GRM4: variants seen among roughly 807,000 people sequenced by gnomAD.
GRM4 encodes the protein metabotropic glutamate receptor 4.
Under a neutral mutation model 81.7 loss-of-function variants are expected in GRM4, and 28 were observed. The observed-to-expected ratio is 0.34, with a 90% CI of 0.25 to 0.47. The LOEUF is 0.47. Ranked by LOEUF, GRM4 falls within the 20% of genes least tolerant of loss-of-function variation. The pLI, the probability that GRM4 is intolerant of heterozygous loss-of-function variation, is 1.00. For synonymous variants in GRM4, 488 were observed against 528.8 expected, an observed-to-expected ratio of 0.92 and a Z score of 1.06; for missense variants, 948 against 1,290.0, an observed-to-expected ratio of 0.73 and a Z score of 4.06.
intron 3 of GRM4, among the ~76,000 whole-genome samples, chr6:34,066,096 C>G (rs1458047399): frequency 1.3e-5 from 2 of 152,258 alleles, no homozygotes; most frequent in East Asian, 3.9e-4. Context: ...GACACCTGAT[C>G]AAGGCGTGTC....
chr6:34,073,418 C>CCACACACACA (rs540796389), intron 3 of GRM4, among the ~76,000 whole-genome samples: 1 of 146,394 alleles, frequency 6.8e-6, no homozygotes, highest in African/African-American at 2.5e-5. Flanking sequence ...CACATACACA[C>CCACACACACA]CACACACACA....
upstream of GRM4, among the ~76,000 whole-genome samples, chr6:34,148,195 G>A (rs1409429224): frequency 2.6e-5 from 4 of 152,054 alleles, no homozygotes; most frequent in South Asian, 2.1e-4. Flanking sequence ...TAGCTCTTCC[G>A]GGCAACATCC....
At chr6:34,122,742 G>A (rs1000340314) in intron 2 of GRM4, among the ~76,000 whole-genome samples, 25 of 152,016 alleles carry the variant, frequency 1.6e-4, no homozygotes, top group African/African-American at 5.6e-4. Context: ...CTGTCTGTCT[G>A]TCTGTCTGTC....
chr6:34,100,314 C>T (rs909707256), intron 2 of GRM4, among the ~76,000 whole-genome samples: 39 of 152,236 alleles, frequency 2.6e-4, no homozygotes, highest in African/African-American at 8.4e-4. Context: ...GTTTCTCTGG[C>T]CCTCCTCTGC....
chr6:34,115,479 A>C lies in GRM4; in HGVS notation c.519+17499T>G, dbSNP rs1188697921. ...CCCCCTGGGAAGCATAACCACCCCC[A>C]AGCCCAAATTGCTGCCCCTTCCCCT... On this transcript the variant is annotated intron_variant, in intron 2 of 10. Coordinates refer to ENST00000538487, the MANE Select transcript of GRM4 (RefSeq NM_000841.4). This position sits in a 1 kb window ranked among gnomAD's most constrained non-coding sequence, Gnocchi z 4.1. Among the ~76,000 whole-genome samples the C allele has an allele frequency of 1.3e-5, 2 of 152,078 alleles. No homozygotes were observed. Among genetic ancestry groups the C allele is most frequent in the Non-Finnish European group, 2.9e-5 (2 of 68,008 alleles).
chr6:34,089,625 G>C lies in GRM4; in HGVS notation c.736+2258C>G, dbSNP rs1004832526. Among the ~76,000 whole-genome samples the C allele has an allele frequency of 6.6e-6, 1 of 152,108 alleles. No homozygotes were observed. The highest frequency in any genetic ancestry group is 6.5e-5 in the Admixed American group (1 of 15,276). ...GTGAGGGGCGCCTCTGCCAGGACAGGAGTGCCCCGAGCTGGAGGCCCTTGC... is the reference window on the plus strand; with the variant it reads ...GTGAGGGGCGCCTCTGCCAGGACAGCAGTGCCCCGAGCTGGAGGCCCTTGC... On this transcript the variant is annotated intron_variant, in intron 3 of 10. Transcript: ENST00000538487. The surrounding 1 kb of genome is among the most constrained non-coding windows in gnomAD (Gnocchi z 4.3).
chr6:34,079,267 T>C (rs12529131), intron 3 of GRM4, among the ~76,000 whole-genome samples: 38,621 of 151,906 alleles, frequency 0.25, 7,910 homozygotes, highest in African/African-American at 0.56. Flanking sequence ...AAGGCAGGCA[T>C]GCAGCCAGGA....
chr6:34,141,360 G>C (rs1210062403), intron 1 of GRM4, among the ~76,000 whole-genome samples: 3 of 152,150 alleles, frequency 2.0e-5, no homozygotes, highest in Non-Finnish European at 4.4e-5. Context: ...AGCATGGCTC[G>C]GCCCCAAATG....
chr6:34,118,056 C>T (rs1188891594), intron 2 of GRM4, among the ~76,000 whole-genome samples: 1 of 152,214 alleles, frequency 6.6e-6, no homozygotes, highest in Non-Finnish European at 1.5e-5. Context: ...CATATAGATG[C>T]TGTGATCTCA....
chr6:34,035,522 A>G lies in GRM4; in HGVS notation c.2442+146T>C. The G allele has an allele frequency of 5.2e-6, 3 of 576,590 alleles. No homozygotes were observed. The highest frequency in any genetic ancestry group is 9.3e-6 in the Non-Finnish European group (3 of 321,236). 35.7% of individuals were successfully genotyped at this position (576,590 alleles called of 1,614,324 possible). On this transcript the variant is annotated intron_variant, in intron 9 of 10. Coordinates refer to ENST00000538487, the MANE Select transcript of GRM4 (RefSeq NM_000841.4). This position sits in a 1 kb window ranked among gnomAD's most constrained non-coding sequence, Gnocchi z 6.6. Reference sequence around the variant, plus strand: ...AGAAGGCAGAATGAGGCATGAAAGAAGGCAGAATGAGGCAAGAAAGAAGGC... The same window carrying G: ...AGAAGGCAGAATGAGGCATGAAAGAGGGCAGAATGAGGCAAGAAAGAAGGC...
chr6:34,091,770 G>A, intron 3 of GRM4, 113 bp downstream of exon 3: 1 of 760,688 alleles, frequency 1.3e-6, no homozygotes, highest in Non-Finnish European at 2.2e-6. Flanking sequence ...CCTGGCAACA[G>A]CCAGGCAGTC....
intron 2 of GRM4, among the ~76,000 whole-genome samples, chr6:34,097,003 G>A (rs374512598): frequency 2.8e-4 from 43 of 152,202 alleles, no homozygotes; most frequent in African/African-American, 9.6e-4. Flanking sequence ...TGGGTGCCCC[G>A]CACATTCATT....
At chr6:34,032,743 T>G (rs1457743363) in intron 9 of GRM4, among the ~76,000 whole-genome samples, 1 of 152,116 alleles carries the variant, frequency 6.6e-6, no homozygotes, top group Non-Finnish European at 1.5e-5. Context: ...GTAGGTCACC[T>G]GCAGAGATTG....
intron 2 of GRM4, among the ~76,000 whole-genome samples, chr6:34,113,156 CCTTT>C (rs1325688459): frequency 4.0e-5 from 6 of 151,106 alleles, no homozygotes; most frequent in Non-Finnish European, 7.4e-5. Flanking sequence ...TCCCTTCCTT[CCTTT>C]CTTTTCATTT....
At chr6:34,119,954 G>T (rs944376232) in intron 2 of GRM4, among the ~76,000 whole-genome samples, 1 of 152,176 alleles carries the variant, frequency 6.6e-6, no homozygotes, top group Non-Finnish European at 1.5e-5. Flanking sequence ...ACCCCAGCCC[G>T]TACGCAGGCC....
chr6:34,040,495 C>A, intron 7 of GRM4, 53 bp downstream of exon 7: 2 of 1,526,052 alleles, frequency 1.3e-6, no homozygotes, highest in Non-Finnish European at 9.0e-7. Context: ...CCCCTCCCCT[C>A]GGGCATGGCC....
Position 34,122,384 on chromosome 6 carries a change from C to T in GRM4, c.519+10594G>A, listed in dbSNP as rs6906747. ...AAAACTGTGTTCCGGCTCCCCTCCC[C>T]GCAACAGCGCTGCGGGCCACCACTC... On this transcript the variant is annotated intron_variant, in intron 2 of 10. Coordinates refer to ENST00000538487, the MANE Select transcript of GRM4 (RefSeq NM_000841.4). Among the ~76,000 whole-genome samples the T allele has an allele frequency of 7.7e-3, 1,166 of 152,134 alleles. 8 individuals are homozygous for T. Among genetic ancestry groups the T allele is most frequent in the Middle Eastern group, 0.027 (8 of 292 alleles).
chr6:34,049,110 T>C (rs1765489579), intron 6 of GRM4, among the ~76,000 whole-genome samples: 1 of 151,552 alleles, frequency 6.6e-6, no homozygotes, highest in Admixed American at 6.6e-5. Flanking sequence ...ACAATGTAGC[T>C]CCTCATAAGA....
At chr6:34,127,143 G>C (rs1337398963) in intron 2 of GRM4, among the ~76,000 whole-genome samples, 1 of 152,190 alleles carries the variant, frequency 6.6e-6, no homozygotes, top group Non-Finnish European at 1.5e-5. Flanking sequence ...CCCTGGGCTA[G>C]AGGGGAACTC....
Sources: allele counts gnomAD v4.1 joint callset (sites outside exome capture counted in the v4.1 genomes callset), GRCh38; gene constraint gnomAD v4.1.1; non-coding constraint Gnocchi (gnomAD v3.1); transcripts MANE v1.5; gene names NCBI Gene and HGNC (gene_info 2026-07-23, HGNC 2026-07-21).